EPHA7: variants seen among roughly 807,000 people sequenced by gnomAD.
EPHA7 encodes the protein ephrin type-A receptor 7.
A neutral mutation model predicts 112.6 loss-of-function variants in EPHA7; 25 were observed. The ratio of observed to expected loss-of-function variants is 0.22; its 90% CI spans 0.16 to 0.31. EPHA7 has a LOEUF of 0.31. Among genes scored for constraint, EPHA7 ranks in the 10% least tolerant of loss-of-function variants. The pLI is 1.00. For synonymous variants in EPHA7, 437 were observed against 406.5 expected (o/e 1.07, Z -0.90); for missense variants, 962 against 1,212.6 (o/e 0.79, Z 3.07).
At chr6:93,391,360 T>A (rs184490699) in intron 3 of EPHA7, among the ~76,000 whole-genome samples, 9 of 152,024 alleles carry the variant, frequency 5.9e-5, no homozygotes, top group Admixed American at 5.9e-4. Context: ...AAGAGACAAC[T>A]GGCAAGAGAG....
chr6:93,243,074 CATG>C lies in EPHA7; in HGVS notation c.*349_*351del. 4.3e-6 allele frequency: 1 copy of C among 233,636 alleles called. No homozygotes were observed. The highest frequency in any genetic ancestry group is 8.4e-6 in the Non-Finnish European group (1 of 118,644). The allele number at this position is 233,636 out of a possible 1,614,324, so 14.5% of individuals were successfully genotyped here. A position where few individuals can be genotyped will look rare whatever the true frequency, so the allele number is the denominator to read the frequency against. On this transcript the variant is annotated 3_prime_UTR_variant, in exon 17 of 17. Transcript: ENST00000369303. ...ATTTCATTAATTTTAACAATAAGAT[CATG>C]ATTTTATTTGACAAATATATTCTTT... is the stretch of plus-strand genomic sequence containing the variant.
In EPHA7 at chr6:93,411,018, G is replaced by A. The variant is rs1778949774; in HGVS notation, c.315C>T (p.Thr105=). The A allele has an allele frequency of 1.2e-6, 2 of 1,613,984 alleles. No individual in the cohort carries two copies. The highest frequency in any genetic ancestry group is 1.7e-6 in the Non-Finnish European group (2 of 1,179,956). Residue 105 remains threonine (T), a synonymous_variant, in exon 3 of 17, where the codon ACC becomes ACT. Transcript: ENST00000369303. The part of the protein sequence containing the change: ...AQRIFVELKF[T]LRDCNSLPGV... Reference sequence around the variant, plus strand: ...CAGGAAGACTGTTACAATCCCTCAGGGTGAATTTCAATTCTACAAAAATCC... The same window carrying A: ...CAGGAAGACTGTTACAATCCCTCAGAGTGAATTTCAATTCTACAAAAATCC...
chr6:93,355,586 T>C (rs1354584982), intron 5 of EPHA7, among the ~76,000 whole-genome samples: 2 of 152,226 alleles, frequency 1.3e-5, no homozygotes, highest in African/African-American at 4.8e-5. Context: ...CGTAGCACTT[T>C]GTTGCATTTA....
chr6:93,392,731 T>A lies in EPHA7; in HGVS notation c.832+17770A>T, dbSNP rs189662247. 1.3e-3 allele frequency among the ~76,000 whole-genome samples: 198 copies of A among 152,012 alleles called. 1 individual carries two copies. Among genetic ancestry groups the A allele is most frequent in the Non-Finnish European group, 4.0e-4 (27 of 67,904 alleles). ...TGGCTTAAATGCAAAATAATTTATT[T>A]CATATTGCAAAATGTATGCATGTCA... On this transcript the variant is annotated intron_variant, in intron 3 of 16. Coordinates refer to ENST00000369303, the MANE Select transcript of EPHA7 (RefSeq NM_004440.4).
chr6:93,418,668 G>A lies in EPHA7; in HGVS notation c.97+577C>T, dbSNP rs1002216096. On this transcript the variant is annotated intron_variant, in intron 1 of 16. Transcript: ENST00000369303. ...GCGTTATTGTTCCGTGCTGGCGGCC[G>A]AGCGCCAACCGCAGGACCGCGCCGC... is the stretch of plus-strand genomic sequence containing the variant. 3.9e-5 allele frequency among the ~76,000 whole-genome samples: 6 copies of A among 152,280 alleles called. No homozygotes were observed. In the East Asian group the frequency reaches 1.2e-3, roughly 30 times the overall value.
chr6:93,363,902 G>A lies in EPHA7; in HGVS notation c.833-5491C>T, dbSNP rs144372695. On this transcript the variant is annotated intron_variant, in intron 3 of 16. Coordinates refer to ENST00000369303, the MANE Select transcript of EPHA7 (RefSeq NM_004440.4). ...AAATACAGACACATAAAACAACATGGATGAATCTTTAAAACATGCTACATA... is the reference window on the plus strand; with the variant it reads ...AAATACAGACACATAAAACAACATGAATGAATCTTTAAAACATGCTACATA... 8.2e-3 allele frequency among the ~76,000 whole-genome samples: 1,251 copies of A among 152,204 alleles called. 23 individuals carry two copies. The highest frequency in any genetic ancestry group is 0.028 in the African/African-American group (1,165 of 41,530).
intron 3 of EPHA7, among the ~76,000 whole-genome samples, chr6:93,399,966 T>C (rs1310715070): frequency 6.6e-6 from 1 of 152,088 alleles, no homozygotes; most frequent in African/African-American, 2.4e-5. Flanking sequence ...TAATATTAAT[T>C]GTCTTGAAAG....
At chr6:93,258,653 ATATAT>A (rs1427407006) in intron 10 of EPHA7, among the ~76,000 whole-genome samples, 2 of 148,362 alleles carry the variant, frequency 1.3e-5, no homozygotes, top group African/African-American at 4.9e-5. Context: ...TTATGCTATT[ATATAT>A]TATATATTTA....
At chr6:93,253,064 A>T (rs969201813) in intron 14 of EPHA7, among the ~76,000 whole-genome samples, 1 of 151,978 alleles carries the variant, frequency 6.6e-6, no homozygotes, top group Non-Finnish European at 1.5e-5. Flanking sequence ...CAGTCCTGTC[A>T]GTCCCTTTAT....
intron 3 of EPHA7, among the ~76,000 whole-genome samples, chr6:93,375,735 C>T (rs1777028300): frequency 6.6e-6 from 1 of 151,710 alleles, no homozygotes; most frequent in Non-Finnish European, 1.5e-5. Context: ...ATATAACTTA[C>T]ATTTGAAGTC....
intron 4 of EPHA7, among the ~76,000 whole-genome samples, chr6:93,357,865 G>A (rs1357680837): frequency 6.6e-6 from 1 of 151,988 alleles, no homozygotes; most frequent in African/African-American, 2.4e-5. Flanking sequence ...TGTTGGCCAG[G>A]CTAGTCTCGA....
rs958279059 is a variant in EPHA7, at chr6:93,241,793, A to G, written c.*1633T>C. On this transcript the variant is annotated 3_prime_UTR_variant, in exon 17 of 17. Transcript: ENST00000369303. The stretch of plus-strand genomic sequence containing the variant: ...AATATAGTGCATTTTCAATGTATTC[A>G]GAGCCCACTACAGAGAAATGTGTGT... The G allele has an allele frequency of 1.8e-5, 4 of 219,496 alleles. No homozygotes were observed. The highest frequency in any genetic ancestry group is 2.8e-5 in the Non-Finnish European group (3 of 109,084). 13.6% of individuals were successfully genotyped at this position (219,496 alleles called of 1,614,324 possible).
chr6:93,405,206 TTTTG>T (rs1209912247), intron 3 of EPHA7, among the ~76,000 whole-genome samples: 2 of 151,898 alleles, frequency 1.3e-5, no homozygotes, highest in South Asian at 2.1e-4. Context: ...TTATACAAAT[TTTTG>T]TTTTTCATTC....
intron 14 of EPHA7, among the ~76,000 whole-genome samples, chr6:93,247,955 A>G (rs1340160347): frequency 6.6e-6 from 1 of 152,120 alleles, no homozygotes; most frequent in Non-Finnish European, 1.5e-5. Flanking sequence ...AAACCTGAAA[A>G]TGTTCCAAAT....
At chr6:93,305,431 TA>T (rs1773205699) in intron 5 of EPHA7, among the ~76,000 whole-genome samples, 1 of 151,986 alleles carries the variant, frequency 6.6e-6, no homozygotes, top group African/African-American at 2.4e-5. Context: ...AATCATTTTT[TA>T]AAAGAAATCA....
intron 5 of EPHA7, among the ~76,000 whole-genome samples, chr6:93,281,225 C>T (rs186718979): frequency 9.5e-4 from 144 of 152,152 alleles, no homozygotes; most frequent in African/African-American, 3.4e-3. Flanking sequence ...GAAATGACTA[C>T]CAAAATGAGA....
intron 3 of EPHA7, among the ~76,000 whole-genome samples, chr6:93,387,089 T>G (rs1426436023): frequency 2.0e-5 from 3 of 152,132 alleles, no homozygotes; most frequent in Admixed American, 6.6e-5. Context: ...AGCATATTTC[T>G]CCCCAGAAAA....
At chr6:93,368,426 T>A (rs1360339441) in intron 3 of EPHA7, among the ~76,000 whole-genome samples, 1 of 152,096 alleles carries the variant, frequency 6.6e-6, no homozygotes, top group Non-Finnish European at 1.5e-5. Flanking sequence ...ACTGGAGAGC[T>A]ATCTGTGGCA....
chr6:93,344,126 T>C (rs1018940114), intron 5 of EPHA7, among the ~76,000 whole-genome samples: 82 of 98,560 alleles, frequency 8.3e-4, no homozygotes, highest in African/African-American at 2.0e-3. Flanking sequence ...TATCTATCTA[T>C]CATCTATCAT....
Sources: gnomAD v4.1 joint callset for allele counts (sites outside exome capture counted in the v4.1 genomes callset) on GRCh38, gnomAD v4.1.1 for gene constraint, MANE v1.5 for transcripts, NCBI Gene and HGNC (gene_info 2026-07-23, HGNC 2026-07-21) for gene names.